DLGAP2: variants seen among roughly 807,000 people sequenced by gnomAD.
DLGAP2 encodes the protein DLG associated protein 2.
In DLGAP2, 26 loss-of-function variants were observed where a neutral mutation model predicts 100.3. The observed-to-expected ratio is 0.26, with a 90% CI of 0.19 to 0.36. The LOEUF is 0.36. Among genes scored for constraint, DLGAP2 ranks in the 10% least tolerant of loss-of-function variants. DLGAP2 has a pLI of 1.00. For synonymous variants in DLGAP2, 886 were observed against 630.1 expected, an observed-to-expected ratio of 1.41 and a Z score of -6.08; for missense variants, 1,858 against 1,453.2, an observed-to-expected ratio of 1.28 and a Z score of -4.53.
At chr8:1,470,776 C>CCCCTCCAGGCTT (rs1563168457) in intron 3 of DLGAP2, among the ~76,000 whole-genome samples, 1 of 74,984 alleles carries the variant, frequency 1.3e-5, no homozygotes, top group African/African-American at 4.1e-5. Context: ...CCTTTCCCGA[C>CCCCTCCAGGCTT]TCCCCCAGCC....
chr8:1,227,572 C>G (rs1798448502), intron 2 of DLGAP2, among the ~76,000 whole-genome samples: 1 of 151,862 alleles, frequency 6.6e-6, no homozygotes, highest in South Asian at 2.1e-4. Context: ...TGGCTCACTG[C>G]AAACTCCACC....
rs1798865540 is a variant in DLGAP2, at chr8:1,678,487, C to T, written c.2562C>T (p.Asp854=). Residue 854 remains aspartate, a synonymous_variant, in exon 12 of 15, where the codon GAC becomes GAT. Transcript: ENST00000637795. The part of the protein sequence containing the change: ...PPDPWLEPAI[D]TVETGRMSPC... The stretch of plus-strand genomic sequence containing the variant: ...ACCCCTGGCTGGAGCCCGCCATCGA[C>T]ACGGTAGAGACTGGGAGGATGTCTC... 1 of 1,613,096 alleles carries T rather than the reference C, an allele frequency of 6.2e-7. No homozygotes were observed. The highest frequency in any genetic ancestry group is 8.5e-7 in the Non-Finnish European group (1 of 1,179,568).
chr8:1,685,135 C>G (rs1359678933), intron 12 of DLGAP2, among the ~76,000 whole-genome samples: 1 of 152,160 alleles, frequency 6.6e-6, no homozygotes, highest in Non-Finnish European at 1.5e-5. Flanking sequence ...CATGCTGAGA[C>G]AAAATGGTCT....
At chr8:1,179,288 G>C (rs188563938) in intron 2 of DLGAP2, among the ~76,000 whole-genome samples, 1 of 152,254 alleles carries the variant, frequency 6.6e-6, no homozygotes, top group Non-Finnish European at 1.5e-5. Context: ...TGAGCACTCA[G>C]CTCTCTCATT....
At chr8:1,587,876 A>T (rs1389536735) in intron 6 of DLGAP2, among the ~76,000 whole-genome samples, 2 of 152,170 alleles carry the variant, frequency 1.3e-5, no homozygotes, top group Admixed American at 1.3e-4. Context: ...TAACTTTCCA[A>T]AACAGTTAAG....
chr8:901,337 A>T (rs1310411565), intron 1 of DLGAP2, among the ~76,000 whole-genome samples: 5 of 152,240 alleles, frequency 3.3e-5, no homozygotes. Flanking sequence ...GCAGTCCTCC[A>T]CTGCACAAAT....
chr8:1,223,523 A>G (rs1798358239), intron 2 of DLGAP2, among the ~76,000 whole-genome samples: 1 of 152,380 alleles, frequency 6.6e-6, no homozygotes, highest in African/African-American at 2.4e-5. Flanking sequence ...ATATCATTGT[A>G]TAAGAAGGGC....
At chr8:1,005,939 C>T (rs962286643) in intron 2 of DLGAP2, among the ~76,000 whole-genome samples, 3 of 152,152 alleles carry the variant, frequency 2.0e-5, no homozygotes, top group African/African-American at 4.8e-5. Flanking sequence ...TGGTCTGGCG[C>T]GGTGGCTCAC....
intron 2 of DLGAP2, among the ~76,000 whole-genome samples, chr8:1,071,824 G>C (rs1327211027): frequency 2.0e-5 from 3 of 152,206 alleles, no homozygotes; most frequent in South Asian, 2.1e-4. Context: ...TAATCACCCA[G>C]TTATTTAGTC....
intron 2 of DLGAP2, among the ~76,000 whole-genome samples, chr8:1,012,309 T>G (rs987210808): frequency 2.0e-5 from 3 of 152,198 alleles, no homozygotes; most frequent in Admixed American, 1.3e-4. Context: ...ACAGTTAAAA[T>G]AGAAGACGAA....
At chr8:746,643 A>C (rs1239216876) in intron 1 of DLGAP2, among the ~76,000 whole-genome samples, 1 of 152,278 alleles carries the variant, frequency 6.6e-6, no homozygotes, top group African/African-American at 2.4e-5. Flanking sequence ...GCACACTGGC[A>C]GGTGCTGAGG....
At chr8:1,532,122 G>A (rs1363514134) in intron 4 of DLGAP2, among the ~76,000 whole-genome samples, 2 of 152,226 alleles carry the variant, frequency 1.3e-5, no homozygotes, top group African/African-American at 4.8e-5. Flanking sequence ...CTGTCTCAGT[G>A]AGCAGAGGGA....
At chr8:1,332,223 TGA>T (rs1201496531) in intron 3 of DLGAP2, among the ~76,000 whole-genome samples, 2 of 152,280 alleles carry the variant, frequency 1.3e-5, no homozygotes, top group East Asian at 3.9e-4. Context: ...ATGGTTTGTG[TGA>T]GTGTGCCTGC....
rs116628091 is a variant in DLGAP2, at chr8:1,209,925, G to A, written c.74-48926G>A. Reference sequence around the variant, plus strand: ...CCCTGAGAAACGGCGTGTCATCAGCGGTGCTTGACCACTTTCAACTGGAGA... The same window carrying A: ...CCCTGAGAAACGGCGTGTCATCAGCAGTGCTTGACCACTTTCAACTGGAGA... On this transcript the variant is annotated intron_variant, in intron 2 of 14. Coordinates refer to ENST00000637795, the MANE Select transcript of DLGAP2 (RefSeq NM_001346810.2). 3.8e-3 allele frequency among the ~76,000 whole-genome samples: 574 copies of A among 152,216 alleles called. 2 individuals are homozygous for A. The highest frequency in any genetic ancestry group is 0.013 in the African/African-American group (547 of 41,530).
chr8:796,826 C>T (rs1346693968), intron 1 of DLGAP2, among the ~76,000 whole-genome samples: 2 of 152,196 alleles, frequency 1.3e-5, no homozygotes, highest in African/African-American at 2.4e-5. Context: ...CAGGTGGCTT[C>T]TGTGTTCCAG....
chr8:1,553,061 G>A (rs1282811700), intron 5 of DLGAP2, among the ~76,000 whole-genome samples: 4 of 152,160 alleles, frequency 2.6e-5, no homozygotes, highest in Admixed American at 1.3e-4. Flanking sequence ...TCCCAGGGAC[G>A]TGCAGGGAGG....
At chr8:826,429 T>G (rs7814871) in intron 1 of DLGAP2, among the ~76,000 whole-genome samples, 37,888 of 152,166 alleles carry the variant, frequency 0.25, 5,049 homozygotes, top group Non-Finnish European at 0.3. Context: ...CACTTTGGTT[T>G]TAATTTGCTC....
At chr8:787,175 A>C (rs1821888939) in intron 1 of DLGAP2, among the ~76,000 whole-genome samples, 3 of 152,242 alleles carry the variant, frequency 2.0e-5, no homozygotes, top group South Asian at 4.2e-4. Context: ...ATGAATCTTC[A>C]CCCAGCCTCA....
intron 2 of DLGAP2, among the ~76,000 whole-genome samples, chr8:1,223,376 T>C (rs1365651083): frequency 6.6e-6 from 1 of 152,178 alleles, no homozygotes; most frequent in African/African-American, 2.4e-5. Flanking sequence ...ATCTTGGCTC[T>C]TCTCCGCGGT....
Sources: allele counts gnomAD v4.1 joint callset (sites outside exome capture counted in the v4.1 genomes callset), GRCh38; gene constraint gnomAD v4.1.1; transcripts MANE v1.5; gene names NCBI Gene and HGNC (gene_info 2026-07-23, HGNC 2026-07-21).